DPP6: variants seen among roughly 807,000 people sequenced by gnomAD.
DPP6 encodes dipeptidyl peptidase like 6.
DPP6 carries 69 observed loss-of-function variants against 122.6 expected under a neutral mutation model. The ratio of observed to expected loss-of-function variants is 0.56; its 90% CI spans 0.46 to 0.69. The LOEUF is 0.69. DPP6 is among the 30% of genes least tolerant of loss of function. DPP6 has a pLI of 0.00. For synonymous variants in DPP6, 418 were observed against 433.1 expected (o/e 0.97, Z 0.43); for missense variants, 928 against 1,116.9 (o/e 0.83, Z 2.41).
chr7:154,662,558 G>A (rs145187857), intron 6 of DPP6, among the ~76,000 whole-genome samples: 1 of 33,166 alleles, frequency 3.0e-5, no homozygotes, highest in Non-Finnish European at 5.6e-5. Context: ...CGTATCAGCC[G>A]TAGTGTTCAT....
intron 1 of DPP6, among the ~76,000 whole-genome samples, chr7:154,311,147 T>C (rs1806842132): frequency 6.6e-6 from 1 of 152,168 alleles, no homozygotes; most frequent in South Asian, 2.1e-4. Flanking sequence ...TGGTTTTATT[T>C]GAAGATGTAG....
At chr7:154,654,520 G>T (rs532216781) in intron 6 of DPP6, among the ~76,000 whole-genome samples, 3 of 151,718 alleles carry the variant, frequency 2.0e-5, no homozygotes, top group South Asian at 4.2e-4. Context: ...CCAGGTTCAG[G>T]CGATTCTCCT....
At chr7:154,374,628 T>C (rs1812971683) in intron 1 of DPP6, among the ~76,000 whole-genome samples, 1 of 152,052 alleles carries the variant, frequency 6.6e-6, no homozygotes, top group South Asian at 2.1e-4. Flanking sequence ...TCTTTTTTTT[T>C]GAGACGCAGT....
At chr7:153,849,260 A>G in the DPP6 span, among the ~76,000 whole-genome samples, 1 of 149,240 alleles carries the variant, frequency 6.7e-6, no homozygotes, top group Non-Finnish European at 1.5e-5. Flanking sequence ...TAATTACCAG[A>G]GACATATATG....
chr7:154,541,782 A>T (rs1462724701), intron 4 of DPP6, among the ~76,000 whole-genome samples: 3 of 152,180 alleles, frequency 2.0e-5, no homozygotes. Context: ...GGATTAGAGG[A>T]GGTTGTAAAA....
intron 1 of DPP6, among the ~76,000 whole-genome samples, chr7:153,913,297 C>T (rs1723481947): frequency 6.6e-6 from 1 of 152,130 alleles, no homozygotes; most frequent in Admixed American, 6.5e-5. Context: ...AGGTCTCAAA[C>T]TCCTGACCTC....
At chr7:154,229,904 T>A (rs1221976847) in intron 1 of DPP6, among the ~76,000 whole-genome samples, 1 of 152,188 alleles carries the variant, frequency 6.6e-6, no homozygotes, top group Admixed American at 6.5e-5. Context: ...GCATAGTTGG[T>A]TTTTATAATA....
At chr7:153,788,620 G>A in the DPP6 span, among the ~76,000 whole-genome samples, 9 of 152,242 alleles carry the variant, frequency 5.9e-5, no homozygotes, top group East Asian at 1.5e-3. Flanking sequence ...ATAACTTTAA[G>A]GGCAGTAGAT....
chr7:153,950,315 C>A (rs2129020919), intron 1 of DPP6, among the ~76,000 whole-genome samples: 1 of 152,176 alleles, frequency 6.6e-6, no homozygotes, highest in South Asian at 2.1e-4. Flanking sequence ...TAACAAGGCC[C>A]AAGAGAGCCG....
At chr7:154,813,877 C>CTTTTTTTTTTT (rs35188883) in intron 16 of DPP6, among the ~76,000 whole-genome samples, 1 of 94,470 alleles carries the variant, frequency 1.1e-5, no homozygotes, top group Non-Finnish European at 1.9e-5. Flanking sequence ...AAGCACATTT[C>CTTTTTTTTTTT]TTTTTTTTTT....
chr7:154,191,141 G>A (rs988927571), intron 1 of DPP6, among the ~76,000 whole-genome samples: 1 of 152,204 alleles, frequency 6.6e-6, no homozygotes, highest in African/African-American at 2.4e-5. Flanking sequence ...GAGATCCTAT[G>A]CTCTGACTGC....
intron 8 of DPP6, among the ~76,000 whole-genome samples, chr7:154,762,446 G>A (rs531037333): frequency 6.6e-6 from 1 of 152,264 alleles, no homozygotes; most frequent in South Asian, 2.1e-4. Flanking sequence ...ACAAATAATG[G>A]CAAGAAGTAT....
chr7:154,099,074 G>T (rs759955583), intron 1 of DPP6, among the ~76,000 whole-genome samples: 2 of 152,174 alleles, frequency 1.3e-5, no homozygotes, highest in East Asian at 1.9e-4. Flanking sequence ...CACATATTTT[G>T]CAGAGAGTAA....
At chr7:154,757,024 T>C (rs947837800) in intron 8 of DPP6, among the ~76,000 whole-genome samples, 2 of 151,146 alleles carry the variant, frequency 1.3e-5, no homozygotes, top group Non-Finnish European at 2.9e-5. Context: ...CCCTTCTTCA[T>C]CTTTCACGGC....
chr7:154,516,972 T>C (rs1241139567), intron 3 of DPP6, among the ~76,000 whole-genome samples: 1 of 152,342 alleles, frequency 6.6e-6, no homozygotes, highest in East Asian at 1.9e-4. Context: ...GTCTTTTCTG[T>C]TATCTTTTTT....
intron 22 of DPP6, 62 bp from the exon 23 acceptor site, chr7:154,887,614 G>A (rs761077068): frequency 7.3e-5 from 114 of 1,570,792 alleles, no homozygotes; most frequent in Non-Finnish European, 2.3e-5. Context: ...CCTAGAGTTT[G>A]GGGGCTGCGC....
At chr7:154,260,944 G>A (rs1802976248) in intron 1 of DPP6, among the ~76,000 whole-genome samples, 1 of 151,948 alleles carries the variant, frequency 6.6e-6, no homozygotes, top group South Asian at 2.1e-4. Context: ...TGCCCAGGCT[G>A]GAGTGCAATG....
rs1474308102 is a variant in DPP6, at chr7:154,821,637, TATATATATACAC to T, written c.1666+14535_1666+14546del. 7.9e-4 allele frequency among the ~76,000 whole-genome samples: 77 copies of T among 98,044 alleles called. No homozygotes were observed. The highest frequency in any genetic ancestry group is 4.1e-3 in the African/African-American group (74 of 17,978). The allele number at this position is 98,044 out of a possible 152,430, so 64.3% of individuals were successfully genotyped here. A position where few individuals can be genotyped will look rare whatever the true frequency, so the allele number is the denominator to read the frequency against. ...TATATATTTTTTTTCTGTATATATA[TATATATATACAC>T]ATATATATATATATACACATATATA... is the stretch of plus-strand genomic sequence containing the variant. On this transcript the variant is annotated intron_variant, in intron 16 of 25. Transcript: ENST00000377770. This position sits in a 1 kb window ranked among gnomAD's most constrained non-coding sequence, Gnocchi z 4.2.
chr7:154,382,073 CT>C (rs55970006), intron 1 of DPP6, among the ~76,000 whole-genome samples: 52,778 of 130,340 alleles, frequency 0.4, 10,751 homozygotes, highest in African/African-American at 0.57. Context: ...TTTTTTTTTC[CT>C]TTTTTTTTTT....
Sources: gnomAD v4.1 joint callset for allele counts (sites outside exome capture counted in the v4.1 genomes callset) on GRCh38, gnomAD v4.1.1 for gene constraint, Gnocchi (gnomAD v3.1) non-coding constraint, MANE v1.5 for transcripts, NCBI Gene and HGNC (gene_info 2026-07-23, HGNC 2026-07-21) for gene names.